The following SNAI2 variants were observed in gnomAD, a reference collection of about 807,000 sequenced individuals.
The protein encoded by SNAI2 is snail family transcriptional repressor 2.
Under a neutral mutation model 22.4 loss-of-function variants are expected in SNAI2, and 2 were observed. That is an observed-to-expected ratio of 0.09 (90% CI 0.04 to 0.28). The LOEUF (loss-of-function observed/expected upper bound fraction) is 0.28, where lower values mean the gene tolerates loss of function less well. Ranked by LOEUF, SNAI2 falls within the 10% of genes least tolerant of loss-of-function variation. The probability of loss-of-function intolerance (pLI) is 1.00; values close to 1 mark genes in which losing one functional copy is unlikely to be tolerated. For synonymous variants in SNAI2, 134 were observed against 123.0 expected, an observed-to-expected ratio of 1.09 and a Z score of -0.59; for missense variants, 239 against 320.8, an observed-to-expected ratio of 0.75 and a Z score of 1.95.
rs995136943 is a variant in SNAI2 at position 48,921,321 on chromosome 8, C to A, written c.-56G>T. On this transcript the variant is annotated 5_prime_UTR_variant, in exon 1 of 3. Transcript: ENST00000020945. ...CGGATAACGGTCCGGCGGGAGGACA[C>A]GGCGGTCCCTACAGCATCGCGGCGG... is the stretch of plus-strand genomic sequence containing the variant. 22 of 1,366,004 alleles carry A rather than the reference C, an allele frequency of 1.6e-5. No homozygotes were observed. The Admixed American group carries it at 2.3e-4, about 15-fold the overall frequency. 84.6% of individuals were successfully genotyped at this position (1,366,004 alleles called of 1,614,324 possible). A position where few individuals can be genotyped will look rare whatever the true frequency, so the allele number is the denominator to read the frequency against.
Position 48,920,368 on chromosome 8 carries a change from T to A in SNAI2, c.153A>T (p.Gly51=). Residue 51 remains glycine (G), a synonymous_variant, in exon 2 of 3, where the codon GGA becomes GGT. Coordinates refer to ENST00000020945, the MANE Select transcript of SNAI2 (RefSeq NM_003068.5). ...TCCACACAGTGATGGGGCTGTATGC[T>A]CCTGAGCTGAGGATCTCTGGTTGTG... ...VIPQPEILSS[G]AYSPITVWTT... The A allele has an allele frequency of 6.2e-7, 1 of 1,613,968 alleles. No individual in the cohort carries two copies. The highest frequency in any genetic ancestry group is 8.5e-7 in the Non-Finnish European group (1 of 1,179,912).
In SNAI2 at chr8:48,919,919, T is replaced by C. The variant is rs1424430619; in HGVS notation, c.602A>G (p.Gln201Arg). The C allele has an allele frequency of 6.2e-7, 1 of 1,613,952 alleles. No individual in the cohort carries two copies. The highest frequency in any genetic ancestry group is 2.2e-5 in the East Asian group (1 of 44,876). The change falls in exon 2 of 3, where the codon CAA (glutamine) becomes CGA (arginine). Residue 201 changes from glutamine (Q) to arginine (R), a missense_variant. Coordinates refer to ENST00000020945, the MANE Select transcript of SNAI2 (RefSeq NM_003068.5). Reference protein sequence around the residue: ...GKAFSRPWLLQGHIRTHTGEK... With the variant: ...GKAFSRPWLLRGHIRTHTGEK... The stretch of plus-strand genomic sequence containing the variant: ...ACCCGTGTGAGTTCTAATGTGTCCT[T>C]GAAGCAACCAGGGTCTGGAAAACGC...
In SNAI2 at chr8:48,918,651, C is replaced by T. The variant is rs561502728; in HGVS notation, c.*156G>A. The T allele has an allele frequency of 1.4e-4, 97 of 694,834 alleles. No homozygotes were observed. Among genetic ancestry groups the T allele is most frequent in the African/African-American group, 4.9e-4 (28 of 57,108 alleles). 43.0% of individuals were successfully genotyped at this position (694,834 alleles called of 1,614,324 possible). On this transcript the variant is annotated 3_prime_UTR_variant, in exon 3 of 3. Coordinates refer to ENST00000020945, the MANE Select transcript of SNAI2 (RefSeq NM_003068.5). The stretch of plus-strand genomic sequence containing the variant: ...GAATTCCATGCTCTTGCAGCTCTCT[C>T]TCTGTGGGTGTGTGTGTGTGTGTGT...
chr8:48,919,760 T>G (rs1806133966), intron 2 of SNAI2, 136 bp downstream of exon 2: 2 of 958,226 alleles, frequency 2.1e-6, no homozygotes, highest in East Asian at 2.4e-5. Flanking sequence ...AACAACTTTT[T>G]GAGTAGTCAG....
chr8:48,921,161 T>C (rs776543666), intron 1 of SNAI2, 26 bp downstream of exon 1: 3 of 1,489,336 alleles, frequency 2.0e-6, no homozygotes, highest in Non-Finnish European at 2.8e-6. Context: ...AGATACGTAG[T>C]TCTAGATATA....
Position 48,918,849 on chromosome 8 carries a change from G to T in SNAI2, c.765C>A (p.Leu255=). Residue 255 remains leucine, a synonymous_variant, in exon 3 of 3, where the codon CTC becomes CTA. Transcript: ENST00000020945. ...AGCCAGATTCCTCATGTTTGTGCAG[G>T]AGAGACATTCTGGAGAAGGTTTTGG... ...NCSKTFSRMS[L]LHKHEESGCC... 6.2e-7 allele frequency: 1 copy of T among 1,614,134 alleles called. No homozygotes were observed. The highest frequency in any genetic ancestry group is 1.3e-5 in the African/African-American group (1 of 75,036).
Position 48,920,188 on chromosome 8 carries a change from T to C in SNAI2, c.333A>G (p.Glu111=). Residue 111 remains glutamate (E), a synonymous_variant, in exon 2 of 3, where the codon GAA becomes GAG. Transcript: ENST00000020945. ...GSESPISDEE[E]RLQSKLSDPH... is the part of the protein sequence containing the mutation. ...GGTCTGAAAGCTTGGACTGTAGTCTTTCCTCTTCATCACTAATGGGGCTTT... is the reference window on the plus strand; with the variant it reads ...GGTCTGAAAGCTTGGACTGTAGTCTCTCCTCTTCATCACTAATGGGGCTTT... 1 of 1,614,238 alleles carries C rather than the reference T, an allele frequency of 6.2e-7. No homozygotes were observed. The highest frequency in any genetic ancestry group is 8.5e-7 in the Non-Finnish European group (1 of 1,180,044).
In SNAI2 at chr8:48,918,802, G is replaced by A. The variant is rs1315927005; in HGVS notation, c.*5C>T. The stretch of plus-strand genomic sequence containing the variant: ...TTCTGTTCGAGTAAACATTGATTGC[G>A]TCACTCAGTGTGCTACACAGCAGCC... On this transcript the variant is annotated 3_prime_UTR_variant, in exon 3 of 3. Coordinates refer to ENST00000020945, the MANE Select transcript of SNAI2 (RefSeq NM_003068.5). 1.4e-5 allele frequency: 22 copies of A among 1,613,688 alleles called. No individual in the cohort carries two copies. The highest frequency in any genetic ancestry group is 8.8e-5 in the South Asian group (8 of 91,066).
intron 1 of SNAI2, 149 bp downstream of exon 1, chr8:48,921,038 A>G: frequency 2.9e-6 from 2 of 681,706 alleles, no homozygotes; most frequent in Non-Finnish European, 2.6e-6. Context: ...TAAATGATCA[A>G]AAGAATGTAA....
chr8:48,920,747 A>G (rs1292034051), intron 1 of SNAI2, among the ~76,000 whole-genome samples: 1 of 152,240 alleles, frequency 6.6e-6, no homozygotes, highest in Non-Finnish European at 1.5e-5. Context: ...GAGAGCCTCA[A>G]CATTATTTTT....
Position 48,920,100 on chromosome 8 carries a change from A to C in SNAI2, c.421T>G (p.Ser141Ala). The C allele has an allele frequency of 6.2e-7, 1 of 1,614,240 alleles. No individual in the cohort carries two copies. The highest frequency in any genetic ancestry group is 8.5e-7 in the Non-Finnish European group (1 of 1,180,044). Residue 141 changes from serine to alanine, a missense_variant, in exon 2 of 3, where the codon TCT (serine) becomes GCT (alanine). Around this residue, in one of 3 missense-constraint regions of SNAI2, gnomAD observed 183 missense variants for 190.4 expected, o/e 0.96. Transcript: ENST00000020945. ...NLCNKTYSTF[S>A]GLAKHKQLHC... is the part of the protein sequence containing the mutation. ...AGCTGCTTATGTTTGGCCAGCCCAG[A>C]AAAAGTTGAATAGGTCTTATTGCAT...
chr8:48,921,227 G>A lies in SNAI2; in HGVS notation c.39C>T (p.Ala13=). Residue 13 remains alanine (A), a synonymous_variant, in exon 1 of 3, where the codon GCC becomes GCT. Transcript: ENST00000020945. ...RSFLVKKHFN[A]SKKPNYSELD... is the part of the protein sequence containing the mutation. ...GTTCGCTGTAGTTTGGCTTTTTGGA[G>A]GCGTTGAAATGCTTCTTGACCAGGA... 6.2e-7 allele frequency: 1 copy of A among 1,613,830 alleles called. No homozygotes were observed. Among genetic ancestry groups the A allele is most frequent in the South Asian group, 1.1e-5 (1 of 91,084 alleles).
rs1182336073 is a variant in SNAI2 at position 48,920,058 on chromosome 8, A to C, written c.463T>G (p.Ser155Ala). ...TATTTACAGCTGAAAGATTTTCTAG[A>C]CTGGGCATCGCAGTGCAGCTGCTTA... ...KHKQLHCDAQ[S>A]RKSFSCKYCD... Residue 155 changes from serine to alanine, a missense_variant, in exon 2 of 3, where the codon TCT becomes GCT. Transcript: ENST00000020945. 1 of 1,614,212 alleles carries C rather than the reference A, an allele frequency of 6.2e-7. No homozygotes were observed. Among genetic ancestry groups the C allele is most frequent in the Non-Finnish European group, 8.5e-7 (1 of 1,180,036 alleles).
Position 48,921,335 on chromosome 8 carries a change from G to A in SNAI2, c.-70C>T. 8.1e-7 allele frequency: 1 copy of A among 1,228,322 alleles called. No individual in the cohort carries two copies. Among genetic ancestry groups the A allele is most frequent in the African/African-American group, 1.5e-5 (1 of 67,708 alleles). 76.1% of individuals were successfully genotyped at this position (1,228,322 alleles called of 1,614,324 possible). A position where few individuals can be genotyped will look rare whatever the true frequency, so the allele number is the denominator to read the frequency against. ...GCGGGAGGACACGGCGGTCCCTACA[G>A]CATCGCGGCGGGCCAGGCTCGGGCA... On this transcript the variant is annotated 5_prime_UTR_variant, in exon 1 of 3. Coordinates refer to ENST00000020945, the MANE Select transcript of SNAI2 (RefSeq NM_003068.5).
At position 48,920,156 on chromosome 8, in the gene SNAI2, G is replaced by T. The variant is rs181954619; in HGVS notation, c.365C>A (p.Ala122Asp). 1 of 1,614,100 alleles carries T rather than the reference G, an allele frequency of 6.2e-7. No individual in the cohort carries two copies. The highest frequency in any genetic ancestry group is 1.3e-5 in the African/African-American group (1 of 74,926). ...RLQSKLSDPH[A>D]IEAEKFQCNL... ...GCACTGAAACTTTTCAGCTTCAATGGCATGGGGGTCTGAAAGCTTGGACTG... is the reference window on the plus strand; with the variant it reads ...GCACTGAAACTTTTCAGCTTCAATGTCATGGGGGTCTGAAAGCTTGGACTG... The change falls in exon 2 of 3, where the codon GCC (alanine) becomes GAC (aspartate). Residue 122 changes from alanine (A) to aspartate (D), a missense_variant. By Grantham distance (126) the Ala-to-Asp change is moderately radical. Around this residue, in one of 3 missense-constraint regions of SNAI2, gnomAD observed 183 missense variants for 190.4 expected, o/e 0.96. Coordinates refer to ENST00000020945, the MANE Select transcript of SNAI2 (RefSeq NM_003068.5).
At position 48,919,005 on chromosome 8, in the gene SNAI2, A is replaced by G; in HGVS notation, c.626-17T>C. 6.2e-7 allele frequency: 1 copy of G among 1,610,720 alleles called. No homozygotes were observed. Among genetic ancestry groups the G allele is most frequent in the Non-Finnish European group, 8.5e-7 (1 of 1,178,116 alleles). ...GCTTCTCCCCTGGGGGTGGAGTGGG[A>G]GAAAAAAAGAAAGACAGTCAGTGTT... On this transcript the variant is annotated splice_polypyrimidine_tract_variant and intron_variant, in intron 2 of 2. Transcript: ENST00000020945.
chr8:48,919,897 C>G lies in SNAI2; in HGVS notation c.624G>C (p.Thr208=). The G allele has an allele frequency of 6.2e-7, 1 of 1,613,610 alleles. No homozygotes were observed. The highest frequency in any genetic ancestry group is 8.5e-7 in the Non-Finnish European group (1 of 1,179,932). Residue 208 remains threonine (T), a splice_region_variant and synonymous_variant, in exon 2 of 3, where the codon ACG becomes ACC. Transcript: ENST00000020945. ...TCCTGCCTATGGTTTTTCTCTTACCCGTGTGAGTTCTAATGTGTCCTTGAA... is the reference window on the plus strand; with the variant it reads ...TCCTGCCTATGGTTTTTCTCTTACCGGTGTGAGTTCTAATGTGTCCTTGAA... ...WLLQGHIRTH[T]GEKPFSCPHC... is the part of the protein sequence containing the mutation.
At position 48,918,916 on chromosome 8, in the gene SNAI2, T is replaced by C; in HGVS notation, c.698A>G (p.Gln233Arg). The change falls in exon 3 of 3, where the codon CAG becomes CGG. Residue 233 changes from glutamine to arginine, a missense_variant. This residue lies in a region of SNAI2 where 31 missense variants were observed against 99.0 expected (regional missense o/e 0.31). Transcript: ENST00000020945. ...GTATTTCTTTACATCAGAATGGGTC[T>C]GCAGATGAGCCCTCAGATTTGACCT... ...ADRSNLRAHLQTHSDVKKYQC... is the reference protein window; with the variant it reads ...ADRSNLRAHLRTHSDVKKYQC... 1 of 1,614,118 alleles carries C rather than the reference T, an allele frequency of 6.2e-7. No individual in the cohort carries two copies. The highest frequency in any genetic ancestry group is 8.5e-7 in the Non-Finnish European group (1 of 1,180,012).
intron 2 of SNAI2, 39 bp downstream of exon 2, chr8:48,919,857 A>C: frequency 6.3e-7 from 1 of 1,597,470 alleles, no homozygotes; most frequent in South Asian, 1.1e-5. Flanking sequence ...GCTTCATTGT[A>C]TCTCAGAGTA....
Sources: gnomAD v4.1 joint callset for allele counts (sites outside exome capture counted in the v4.1 genomes callset) on GRCh38, gnomAD v4.1.1 for gene constraint, gnomAD v4.1.1 regional missense constraint, MANE v1.5 for transcripts, NCBI Gene and HGNC (gene_info 2026-07-23, HGNC 2026-07-21) for gene names.